CAMK1D: variants seen among roughly 807,000 people sequenced by gnomAD.
CAMK1D encodes the protein calcium/calmodulin dependent protein kinase ID.
A neutral mutation model predicts 47.7 loss-of-function variants in CAMK1D; 9 were observed. The observed-to-expected ratio is 0.19, with a 90% CI of 0.11 to 0.33. CAMK1D has a LOEUF of 0.33. Ranked by LOEUF, CAMK1D falls within the 10% of genes least tolerant of loss-of-function variation. CAMK1D has a pLI of 1.00. For synonymous variants in CAMK1D, 184 were observed against 184.9 expected, an observed-to-expected ratio of 0.99 and a Z score of 0.04; for missense variants, 291 against 488.7, an observed-to-expected ratio of 0.60 and a Z score of 3.81.
chr10:12,644,490 C>T (rs1839761569), intron 2 of CAMK1D, among the ~76,000 whole-genome samples: 1 of 152,162 alleles, frequency 6.6e-6, no homozygotes, highest in Non-Finnish European at 1.5e-5. Context: ...ACACTAGAGA[C>T]CTCAGTGCCT....
intron 1 of CAMK1D, among the ~76,000 whole-genome samples, chr10:12,489,828 G>A (rs757386020): frequency 2.0e-5 from 3 of 152,178 alleles, no homozygotes; most frequent in Non-Finnish European, 4.4e-5. Context: ...TGGTGTCAGC[G>A]ATTGCTTTTA....
chr10:12,792,459 A>G (rs989916301), intron 6 of CAMK1D, among the ~76,000 whole-genome samples: 1 of 152,214 alleles, frequency 6.6e-6, no homozygotes, highest in East Asian at 1.9e-4. Flanking sequence ...ATCACCCCCA[A>G]GGAGAAACAT....
intron 1 of CAMK1D, among the ~76,000 whole-genome samples, chr10:12,545,697 G>A (rs955957464): frequency 5.3e-5 from 8 of 151,286 alleles, no homozygotes; most frequent in African/African-American, 1.9e-4. Flanking sequence ...CTACTTGGGA[G>A]GCTGAGGCAG....
chr10:12,417,974 G>T (rs1341678848), intron 1 of CAMK1D, among the ~76,000 whole-genome samples: 3 of 151,952 alleles, frequency 2.0e-5, no homozygotes, highest in Admixed American at 1.3e-4. Context: ...GCTAATTTTT[G>T]TATTTTTAGT....
intron 5 of CAMK1D, among the ~76,000 whole-genome samples, chr10:12,784,491 C>A (rs1837635590): frequency 6.6e-6 from 1 of 151,470 alleles, no homozygotes; most frequent in Non-Finnish European, 1.5e-5. Context: ...AGCCACCGTG[C>A]CGGCCAGAGA....
intron 1 of CAMK1D, among the ~76,000 whole-genome samples, chr10:12,494,213 C>T (rs866133877): frequency 9.2e-5 from 14 of 152,100 alleles, no homozygotes; most frequent in African/African-American, 3.4e-4. Flanking sequence ...TATAGTCCAT[C>T]AGAGGAAGAG....
At chr10:12,410,807 C>T (rs1330601607) in intron 1 of CAMK1D, among the ~76,000 whole-genome samples, 1 of 152,162 alleles carries the variant, frequency 6.6e-6, no homozygotes, top group East Asian at 1.9e-4. Context: ...TTTGTGGAGC[C>T]TCAGTTCTGT....
At position 12,599,956 on chromosome 10, in the gene CAMK1D, C is replaced by A. The variant is rs571870587; in HGVS notation, c.224+46600C>A. ...TATTTTTTAAGAAAATACAGTAGAA[C>A]GAGCAAGATGTGGTGGCGTGTTCCT... is the stretch of plus-strand genomic sequence containing the variant. On this transcript the variant is annotated intron_variant, in intron 2 of 10. Coordinates refer to ENST00000619168, the MANE Select transcript of CAMK1D (RefSeq NM_153498.4). Among the ~76,000 whole-genome samples the A allele has an allele frequency of 4.0e-4, 61 of 152,254 alleles. 1 individual carries two copies. Among genetic ancestry groups the A allele is most frequent in the African/African-American group, 1.4e-3 (59 of 41,556 alleles).
At chr10:12,496,681 G>A (rs1332428957) in intron 1 of CAMK1D, among the ~76,000 whole-genome samples, 3 of 152,206 alleles carry the variant, frequency 2.0e-5, no homozygotes, top group Non-Finnish European at 4.4e-5. Context: ...TTCGTTAGAA[G>A]TAAAACAGAA....
intron 1 of CAMK1D, among the ~76,000 whole-genome samples, chr10:12,453,285 G>A (rs574789811): frequency 6.6e-6 from 1 of 151,654 alleles, no homozygotes; most frequent in Admixed American, 6.6e-5. Flanking sequence ...CGCCTCCTGG[G>A]TTCAAGCGAT....
chr10:12,350,479 C>T (rs1302524065), intron 1 of CAMK1D, among the ~76,000 whole-genome samples: 2 of 152,198 alleles, frequency 1.3e-5, no homozygotes, highest in African/African-American at 2.4e-5. Context: ...AGAGCCTCAC[C>T]GGAGGGTCTG....
At chr10:12,523,433 A>G (rs1835507878) in intron 1 of CAMK1D, among the ~76,000 whole-genome samples, 1 of 152,214 alleles carries the variant, frequency 6.6e-6, no homozygotes, top group African/African-American at 2.4e-5. Flanking sequence ...AGATCAGGCC[A>G]CTGCACTCCA....
rs1360786213 is a variant in CAMK1D, at chr10:12,824,408, C to T, written c.834-57C>T. The stretch of plus-strand genomic sequence containing the variant: ...CTAGGTAAGACTCCCCTTTATGGGA[C>T]GCAGTGTCAGGGCCCAGAAGAAGCA... On this transcript the variant is annotated intron_variant, in intron 8 of 10. Transcript: ENST00000619168. The T allele has an allele frequency of 1.9e-5, 28 of 1,451,386 alleles. No individual in the cohort carries two copies. In the Middle Eastern group the frequency reaches 5.7e-4, roughly 29 times the overall value. The allele number at this position is 1,451,386 out of a possible 1,614,324, so 89.9% of individuals were successfully genotyped here. A position where few individuals can be genotyped will look rare whatever the true frequency, so the allele number is the denominator to read the frequency against.
intron 1 of CAMK1D, among the ~76,000 whole-genome samples, chr10:12,413,011 G>A (rs1300896935): frequency 6.6e-6 from 1 of 152,128 alleles, no homozygotes; most frequent in African/African-American, 2.4e-5. Flanking sequence ...CCCCAATGTG[G>A]GTCCAGGCAG....
rs147533919 is a variant in CAMK1D, at chr10:12,433,446, A to G, written c.92+83536A>G. Among the ~76,000 whole-genome samples the G allele has an allele frequency of 1.9e-3, 291 of 152,090 alleles. 2 individuals are homozygous for G. The highest frequency in any genetic ancestry group is 6.8e-3 in the African/African-American group (281 of 41,492). Reference sequence around the variant, plus strand: ...TTTGTTTATTCAAAACAAACAGTCTAGGCTTCCTTAGAGTCTTCTCCCTTA... The same window carrying G: ...TTTGTTTATTCAAAACAAACAGTCTGGGCTTCCTTAGAGTCTTCTCCCTTA... On this transcript the variant is annotated intron_variant, in intron 1 of 10. Coordinates refer to ENST00000619168, the MANE Select transcript of CAMK1D (RefSeq NM_153498.4).
chr10:12,592,202 T>A (rs569297049), intron 2 of CAMK1D, among the ~76,000 whole-genome samples: 78 of 152,310 alleles, frequency 5.1e-4, no homozygotes, highest in Middle Eastern at 3.4e-3. Flanking sequence ...TGTACAACTT[T>A]CATTTCATCA....
At chr10:12,433,220 C>G (rs2131994678) in intron 1 of CAMK1D, among the ~76,000 whole-genome samples, 1 of 152,278 alleles carries the variant, frequency 6.6e-6, no homozygotes, top group South Asian at 2.1e-4. Context: ...TGCTGAAAAC[C>G]TTTCCCAGTC....
At chr10:12,818,628 G>A (rs1832900010) in intron 8 of CAMK1D, among the ~76,000 whole-genome samples, 1 of 150,990 alleles carries the variant, frequency 6.6e-6, no homozygotes, top group Non-Finnish European at 1.5e-5. Context: ...CCAAGTTGGT[G>A]CCACTGCACT....
At chr10:12,466,662 G>A (rs1350958564) in intron 1 of CAMK1D, among the ~76,000 whole-genome samples, 4 of 150,900 alleles carry the variant, frequency 2.7e-5, no homozygotes, top group African/African-American at 4.9e-5. Flanking sequence ...TAACAGATGA[G>A]ATAATGCATT....
Sources: gnomAD v4.1 joint callset for allele counts (sites outside exome capture counted in the v4.1 genomes callset) on GRCh38, gnomAD v4.1.1 for gene constraint, MANE v1.5 for transcripts, NCBI Gene and HGNC (gene_info 2026-07-23, HGNC 2026-07-21) for gene names.